The following ZMYM4 variants were observed in gnomAD, a reference collection of about 807,000 sequenced individuals.
ZMYM4 encodes the protein zinc finger MYM-type containing 4, also known as zinc finger MYM-type protein 4.
Under a neutral mutation model 183.2 loss-of-function variants are expected in ZMYM4, and 31 were observed. The observed-to-expected ratio is 0.17, with a 90% CI of 0.13 to 0.23. The LOEUF (loss-of-function observed/expected upper bound fraction) is 0.23, where lower values mean the gene tolerates loss of function less well. Among genes scored for constraint, ZMYM4 ranks in the 10% least tolerant of loss-of-function variants. The pLI is 1.00. For missense variants in ZMYM4, 1,273 were observed against 1,840.3 expected, an observed-to-expected ratio of 0.69 and a Z score of 5.64; for synonymous variants, 592 against 631.2, an observed-to-expected ratio of 0.94 and a Z score of 0.93.
chr1:35,274,201 AGT>A (rs1639755715), intron 1 of ZMYM4, among the ~76,000 whole-genome samples: 1 of 152,226 alleles, frequency 6.6e-6, no homozygotes, highest in African/African-American at 2.4e-5. Flanking sequence ...GCTTTTAGAA[AGT>A]ATTGACTCTT....
chr1:35,312,154 T>G (rs1483339568), intron 1 of ZMYM4, among the ~76,000 whole-genome samples: 1 of 152,210 alleles, frequency 6.6e-6, no homozygotes, highest in Non-Finnish European at 1.5e-5. Flanking sequence ...GTTGTTGTTG[T>G]TGTTTAGGTT....
chr1:35,317,980 G>A (rs1642121326), intron 1 of ZMYM4, among the ~76,000 whole-genome samples: 1 of 151,614 alleles, frequency 6.6e-6, no homozygotes, highest in African/African-American at 2.4e-5. Flanking sequence ...ACAACTCGTT[G>A]AGATACTCAA....
intron 13 of ZMYM4, among the ~76,000 whole-genome samples, chr1:35,388,318 C>T (rs1644625619): frequency 6.6e-6 from 1 of 152,174 alleles, no homozygotes; most frequent in South Asian, 2.1e-4. Context: ...GATTCTCCTG[C>T]CTCAACCTCC....
At chr1:35,277,760 T>A (rs1639945183) in intron 1 of ZMYM4, among the ~76,000 whole-genome samples, 1 of 152,126 alleles carries the variant, frequency 6.6e-6, no homozygotes, top group Admixed American at 6.6e-5. Flanking sequence ...AAATGCTTAT[T>A]TTTTTCCCCT....
rs1469529929 is a variant in ZMYM4 at position 35,389,535 on chromosome 1, A to G, written c.2437-413A>G. Among the ~76,000 whole-genome samples, 1 of 152,018 alleles carries G rather than the reference A, an allele frequency of 6.6e-6. No homozygotes were observed. The highest frequency in any genetic ancestry group is 1.5e-5 in the Non-Finnish European group (1 of 67,966). On this transcript the variant is annotated intron_variant, in intron 14 of 29. Coordinates refer to ENST00000314607, the MANE Select transcript of ZMYM4 (RefSeq NM_005095.3). This position sits in a 1 kb window ranked among gnomAD's most constrained non-coding sequence, Gnocchi z 4.0. ...TTTGGGAGGCCGAGGCGGGTGGATC[A>G]TGAGGTTAGGAGATCGAGACCATCC... is the stretch of plus-strand genomic sequence containing the variant.
chr1:35,336,053 C>T (rs957197680), intron 2 of ZMYM4, among the ~76,000 whole-genome samples: 1 of 152,190 alleles, frequency 6.6e-6, no homozygotes, highest in African/African-American at 2.4e-5. Context: ...TTTCATCCTG[C>T]AAAAGTGAAA....
intron 2 of ZMYM4, among the ~76,000 whole-genome samples, chr1:35,352,954 A>G (rs568419897): frequency 6.6e-6 from 1 of 152,186 alleles, no homozygotes; most frequent in Non-Finnish European, 1.5e-5. Flanking sequence ...ACAGGCTAAT[A>G]TATCCAACTG....
At chr1:35,348,925 T>C (rs939478400) in intron 2 of ZMYM4, among the ~76,000 whole-genome samples, 1 of 152,248 alleles carries the variant, frequency 6.6e-6, no homozygotes, top group Non-Finnish European at 1.5e-5. Context: ...GTGTCTTTAC[T>C]TTCTCCCTCC....
At chr1:35,325,434 T>C (rs763135642) in intron 2 of ZMYM4, 29 bp downstream of exon 2, 1 of 1,587,728 alleles carries the variant, frequency 6.3e-7, no homozygotes, top group Non-Finnish European at 8.6e-7. Flanking sequence ...AAAACAATCA[T>C]GTCTTTAGAT....
At chr1:35,330,228 GGAAGGGAA>G (rs1268127151) in intron 2 of ZMYM4, among the ~76,000 whole-genome samples, 4 of 151,424 alleles carry the variant, frequency 2.6e-5, no homozygotes, top group Non-Finnish European at 5.9e-5. Context: ...ATAAAAGGAA[GGAAGGGAA>G]GAAGGGAGGG....
intron 7 of ZMYM4, among the ~76,000 whole-genome samples, chr1:35,379,152 G>C (rs1346320442): frequency 1.3e-5 from 2 of 152,130 alleles, no homozygotes; most frequent in Non-Finnish European, 2.9e-5. Context: ...CCAGGCTTGA[G>C]TGCAGTGGCG....
intron 1 of ZMYM4, chr1:35,292,263 C>T (rs1198294040): frequency 6.6e-6 from 1 of 152,164 alleles, no homozygotes; most frequent in Non-Finnish European, 1.5e-5. Context: ...GACCCCACTA[C>T]TGATCAGTAT....
intron 2 of ZMYM4, among the ~76,000 whole-genome samples, chr1:35,356,270 A>G (rs1643815871): frequency 6.6e-6 from 1 of 152,194 alleles, no homozygotes; most frequent in African/African-American, 2.4e-5. Context: ...AGTTGCTTAC[A>G]ATATTACTTC....
At position 35,325,476 on chromosome 1, in the gene ZMYM4, T is replaced by C. The variant is rs1642465704; in HGVS notation, c.85+71T>C. 4 of 1,492,274 alleles carry C rather than the reference T, an allele frequency of 2.7e-6. No homozygotes were observed. In the South Asian group the frequency reaches 5.0e-5, roughly 19 times the overall value. 92.4% of individuals were successfully genotyped at this position (1,492,274 alleles called of 1,614,324 possible). On this transcript the variant is annotated intron_variant, in intron 2 of 29. Coordinates refer to ENST00000314607, the MANE Select transcript of ZMYM4 (RefSeq NM_005095.3). The stretch of plus-strand genomic sequence containing the variant: ...TGAATGTTAATCTAGATGTGGTATT[T>C]AACTATTACAGTGTTTAGTTAGGGC...
intron 5 of ZMYM4, among the ~76,000 whole-genome samples, chr1:35,369,062 A>G (rs1436911573): frequency 1.3e-5 from 2 of 152,146 alleles, no homozygotes; most frequent in African/African-American, 2.4e-5. Flanking sequence ...TTCTTAAATA[A>G]TACATATTTG....
chr1:35,357,345 A>G (rs1025106202), intron 2 of ZMYM4, among the ~76,000 whole-genome samples: 2 of 152,238 alleles, frequency 1.3e-5, no homozygotes, highest in Non-Finnish European at 2.9e-5. Flanking sequence ...TTCAGGAACA[A>G]ATAAGAGCAA....
chr1:35,318,025 C>G (rs537969560), intron 1 of ZMYM4, among the ~76,000 whole-genome samples: 1 of 150,836 alleles, frequency 6.6e-6, no homozygotes, highest in South Asian at 2.1e-4. Flanking sequence ...ATTTTGGAAG[C>G]CAATTCAAAT....
At chr1:35,319,076 C>T (rs547533973) in intron 1 of ZMYM4, among the ~76,000 whole-genome samples, 18 of 152,102 alleles carry the variant, frequency 1.2e-4, no homozygotes, top group African/African-American at 4.3e-4. Context: ...GACAGGGTTT[C>T]TCTATGTTGG....
chr1:35,304,063 C>T (rs116721643), intron 1 of ZMYM4, among the ~76,000 whole-genome samples: 1,559 of 151,310 alleles, frequency 0.01, 30 homozygotes, highest in African/African-American at 0.036. Context: ...TTCGCGCTGT[C>T]GCCTGGGCTG....
Sources: gnomAD v4.1 joint callset for allele counts (sites outside exome capture counted in the v4.1 genomes callset) on GRCh38, gnomAD v4.1.1 for gene constraint, Gnocchi (gnomAD v3.1) non-coding constraint, MANE v1.5 for transcripts, NCBI Gene and HGNC (gene_info 2026-07-23, HGNC 2026-07-21) for gene names.